Variants in CACNA1H observed in about 807,000 individuals in gnomAD.
CACNA1H encodes calcium voltage-gated channel subunit alpha1 H.
CACNA1H carries 149 observed loss-of-function variants against 192.5 expected under a neutral mutation model. The ratio of observed to expected loss-of-function variants is 0.77; its 90% CI spans 0.68 to 0.89. CACNA1H has a LOEUF of 0.89. CACNA1H is among the 40% of genes least tolerant of loss of function. The probability of loss-of-function intolerance (pLI) is 0.00; values close to 1 mark genes in which losing one functional copy is unlikely to be tolerated. For synonymous variants in CACNA1H, 2,202 were observed against 1,475.2 expected (o/e 1.49, Z -11.29); for missense variants, 4,257 against 3,423.5 (o/e 1.24, Z -6.08).
chr16:1,199,709 C>T (rs959034999), intron 6 of CACNA1H, among the ~76,000 whole-genome samples: 7 of 150,840 alleles, frequency 4.6e-5, no homozygotes, highest in Admixed American at 2.0e-4. Context: ...CCCGAGTCTC[C>T]CCTCAGCCTT....
intron 2 of CACNA1H, among the ~76,000 whole-genome samples, chr16:1,173,536 G>A (rs1206577402): frequency 1.3e-5 from 2 of 152,318 alleles, no homozygotes; most frequent in Non-Finnish European, 1.5e-5. Context: ...ACAATAATAA[G>A]CCCTTTGTGT....
chr16:1,208,921 G>A (rs62012342), intron 16 of CACNA1H, 111 bp from the exon 17 acceptor site: 5 of 1,162,362 alleles, frequency 4.3e-6, no homozygotes, highest in Non-Finnish European at 5.6e-6. Context: ...CCCTGGCGGG[G>A]CTATGCATTA....
At chr16:1,175,281 C>A (rs143357823) in intron 2 of CACNA1H, among the ~76,000 whole-genome samples, 1 of 152,266 alleles carries the variant, frequency 6.6e-6, no homozygotes, top group East Asian at 1.9e-4. Context: ...CAAGGGAAGC[C>A]CTCCTGCATG....
Position 1,202,221 on chromosome 16 carries a change from G to T in CACNA1H, c.1771G>T (p.Val591Leu). Residue 591 changes from valine to leucine, a missense_variant, in exon 9 of 35, where the codon GTG becomes TTG. Val to Leu is a conservative substitution (Grantham distance 32). Coordinates refer to ENST00000348261, the MANE Select transcript of CACNA1H (RefSeq NM_021098.3). ...AGAGGGGCCGCAGGAGAGGGCCCGGGTGGCACATGCCGCAGCCACTGCCGC... is the reference window on the plus strand; with the variant it reads ...AGAGGGGCCGCAGGAGAGGGCCCGGTTGGCACATGCCGCAGCCACTGCCGC... ...HIEGPQERAR[V>L]AHAAATAAAS... The T allele has an allele frequency of 6.4e-7, 1 of 1,554,958 alleles. No homozygotes were observed. The highest frequency in any genetic ancestry group is 1.9e-5 in the Admixed American group (1 of 51,518).
At chr16:1,213,961 G>C in intron 27 of CACNA1H, 30 bp downstream of exon 27, 2 of 1,578,626 alleles carry the variant, frequency 1.3e-6, no homozygotes, top group Non-Finnish European at 1.7e-6. Context: ...GAGGGGCCCA[G>C]GGGCTGGGGC....
At position 1,209,174 on chromosome 16, in the gene CACNA1H, G is replaced by A. The variant is rs1353342008; in HGVS notation, c.3506G>A (p.Gly1169Asp). ...QCGERESLLSGEGKGSTDDEA... is the reference protein window; with the variant it reads ...QCGERESLLSDEGKGSTDDEA... ...GGGGAACGTGAGTCCCTGCTGTCTG[G>A]CGAGGGCAAGGGCAGCACCGACGAC... Residue 1169 changes from glycine to aspartate, a missense_variant, in exon 17 of 35, where the codon GGC (glycine) becomes GAC (aspartate). Transcript: ENST00000348261. The A allele has an allele frequency of 5.8e-6, 9 of 1,552,914 alleles. No individual in the cohort carries two copies. In the East Asian group the frequency reaches 9.7e-5, roughly 17 times the overall value.
At chr16:1,186,895 G>T (rs1185763559) in intron 2 of CACNA1H, among the ~76,000 whole-genome samples, 1 of 152,180 alleles carries the variant, frequency 6.6e-6, no homozygotes, top group East Asian at 1.9e-4. Context: ...GGGTCCTTTG[G>T]AGCTGCCGCG....
chr16:1,199,154 G>A lies in CACNA1H; in HGVS notation c.803+380G>A, dbSNP rs1167036443. 6.3e-4 allele frequency among the ~76,000 whole-genome samples: 34 copies of A among 54,144 alleles called. 1 individual carries two copies. The East Asian group carries it at 0.013, about 21-fold the overall frequency. 35.5% of individuals were successfully genotyped at this position (54,144 alleles called of 152,430 possible). A position where few individuals can be genotyped will look rare whatever the true frequency, so the allele number is the denominator to read the frequency against. On this transcript the variant is annotated intron_variant, in intron 6 of 34. Coordinates refer to ENST00000348261, the MANE Select transcript of CACNA1H (RefSeq NM_021098.3). ...CCATCATGGCTCCGCCCACCGTGCG[G>A]TCGCTGCACATATGCCCCACCCCCA...
rs1474675246 is a variant in CACNA1H at position 1,200,568 on chromosome 16, C to T, written c.1116C>T (p.Phe372=). The T allele has an allele frequency of 1.9e-6, 3 of 1,611,720 alleles. No individual in the cohort carries two copies. The highest frequency in any genetic ancestry group is 1.7e-6 in the Non-Finnish European group (2 of 1,179,644). Residue 372 remains phenylalanine, a synonymous_variant, in exon 7 of 35, where the codon TTC becomes TTT. Transcript: ENST00000348261. ...DNIGYAWIAI[F]QVITLEGWVD... Reference sequence around the variant, plus strand: ...TCGGCTACGCCTGGATTGCCATCTTCCAGGTGGGCGGCAAGATGGTGGGAC... The same window carrying T: ...TCGGCTACGCCTGGATTGCCATCTTTCAGGTGGGCGGCAAGATGGTGGGAC...
At chr16:1,187,755 C>A (rs1417190092) in intron 2 of CACNA1H, among the ~76,000 whole-genome samples, 1 of 152,210 alleles carries the variant, frequency 6.6e-6, no homozygotes, top group Admixed American at 6.5e-5. Context: ...ACGTCCATCC[C>A]TTCGCTGGGC....
rs147304665 is a variant in CACNA1H, at chr16:1,165,298, G to A, written c.299+11262G>A. 6.8e-3 allele frequency among the ~76,000 whole-genome samples: 1,033 copies of A among 152,330 alleles called. 36 individuals carry two copies. Among genetic ancestry groups the A allele is most frequent in the Admixed American group, 0.063 (958 of 15,314 alleles). On this transcript the variant is annotated intron_variant, in intron 2 of 34. Transcript: ENST00000348261. Reference sequence around the variant, plus strand: ...TGGCTTCAGCGGGCCTGGGGGCAAAGGCTCAGAATCGGCAGACCCAGACCC... The same window carrying A: ...TGGCTTCAGCGGGCCTGGGGGCAAAAGCTCAGAATCGGCAGACCCAGACCC...
At position 1,208,942 on chromosome 16, in the gene CACNA1H, G is replaced by A. The variant is rs556168616; in HGVS notation, c.3364-90G>A. The A allele has an allele frequency of 9.0e-5, 115 of 1,283,464 alleles. 1 individual carries two copies. Among genetic ancestry groups the A allele is most frequent in the East Asian group, 3.8e-4 (13 of 34,480 alleles). The allele number at this position is 1,283,464 out of a possible 1,614,324, so 79.5% of individuals were successfully genotyped here. On this transcript the variant is annotated intron_variant, in intron 16 of 34. Coordinates refer to ENST00000348261, the MANE Select transcript of CACNA1H (RefSeq NM_021098.3). ...CGGGGCTATGCATTAAATGATCCACGTGTGGCTTGCACACAGTGGGTGCTC... is the reference window on the plus strand; with the variant it reads ...CGGGGCTATGCATTAAATGATCCACATGTGGCTTGCACACAGTGGGTGCTC...
In CACNA1H at chr16:1,200,889, T is replaced by G. The variant is rs1052525905; in HGVS notation, c.1212+81T>G. 5 of 1,039,916 alleles carry G rather than the reference T, an allele frequency of 4.8e-6. No homozygotes were observed. In the African/African-American group the frequency reaches 8.1e-5, roughly 17 times the overall value. 64.4% of individuals were successfully genotyped at this position (1,039,916 alleles called of 1,614,324 possible). A position where few individuals can be genotyped will look rare whatever the true frequency, so the allele number is the denominator to read the frequency against. ...GTGGGGTGGGGTACCTGGGTGGTCATAGGGGCTCCTGTCTGTCTTCCAGCT... is the reference window on the plus strand; with the variant it reads ...GTGGGGTGGGGTACCTGGGTGGTCAGAGGGGCTCCTGTCTGTCTTCCAGCT... On this transcript the variant is annotated intron_variant, in intron 8 of 34. Transcript: ENST00000348261.
intron 2 of CACNA1H, among the ~76,000 whole-genome samples, chr16:1,174,578 T>G (rs1020389510): frequency 1.3e-5 from 2 of 152,028 alleles, no homozygotes; most frequent in Non-Finnish European, 2.9e-5. Context: ...CCTGCCACGC[T>G]CAGGGCTGTC....
chr16:1,202,973 G>A (rs549112217), intron 9 of CACNA1H, among the ~76,000 whole-genome samples: 1 of 152,236 alleles, frequency 6.6e-6, no homozygotes, highest in African/African-American at 2.4e-5. Flanking sequence ...CTGTCCACCA[G>A]GTGAATGGGA....
In CACNA1H at chr16:1,176,547, C is replaced by T. The variant is rs74004848; in HGVS notation, c.300-18425C>T. Among the ~76,000 whole-genome samples the T allele has an allele frequency of 6.1e-3, 923 of 152,320 alleles. 6 individuals carry two copies. The highest frequency in any genetic ancestry group is 0.016 in the South Asian group (76 of 4,828). ...TACTTCCCCCCATGCTCAGAGGTGA[C>T]GGGCCTGGGCTGCTGTGGGGATTCC... On this transcript the variant is annotated intron_variant, in intron 2 of 34. Transcript: ENST00000348261.
intron 2 of CACNA1H, among the ~76,000 whole-genome samples, chr16:1,171,454 A>G (rs1964359139): frequency 6.6e-6 from 1 of 152,188 alleles, no homozygotes. Context: ...CTGACCACAG[A>G]GTCTGCAGAG....
intron 2 of CACNA1H, among the ~76,000 whole-genome samples, chr16:1,179,028 A>C (rs952267196): frequency 6.6e-6 from 1 of 152,032 alleles, no homozygotes; most frequent in African/African-American, 2.4e-5. Context: ...GGTCACAGAG[A>C]CCCTGTTGGG....
intron 20 of CACNA1H, 29 bp from the exon 21 acceptor site, chr16:1,210,758 C>CT (rs760900607): frequency 2.7e-5 from 43 of 1,596,940 alleles, no homozygotes; most frequent in Non-Finnish European, 3.6e-5. Context: ...ACGCCTGAGC[C>CT]TGAGCTCAGT....
Sources: gnomAD v4.1 joint callset for allele counts (sites outside exome capture counted in the v4.1 genomes callset) on GRCh38, gnomAD v4.1.1 for gene constraint, MANE v1.5 for transcripts, NCBI Gene and HGNC (gene_info 2026-07-23, HGNC 2026-07-21) for gene names.